The following LIMS1 variants were observed in gnomAD, a reference collection of about 807,000 sequenced individuals.
The protein encoded by LIMS1 is LIM zinc finger domain containing 1, also known as LIM and senescent cell antigen-like-containing domain protein 1.
LIMS1 carries 18 observed loss-of-function variants against 44.1 expected under a neutral mutation model. The ratio of observed to expected loss-of-function variants is 0.41; its 90% confidence interval spans 0.28 to 0.61. LIMS1 has a LOEUF of 0.61. Among genes scored for constraint, LIMS1 ranks in the 20% least tolerant of loss-of-function variants. The pLI is 0.32. For synonymous variants in LIMS1, 93 were observed against 149.1 expected (o/e 0.62, Z 2.74); for missense variants, 201 against 422.0 (o/e 0.48, Z 4.59).
chr2:108,592,463 G>T (rs1558800445), intron 1 of LIMS1, among the ~76,000 whole-genome samples: 1 of 152,146 alleles, frequency 6.6e-6, no homozygotes. Context: ...CAATTTTTGT[G>T]TGTGGGAGGG....
chr2:108,582,209 G>C (rs1437163709), intron 1 of LIMS1, among the ~76,000 whole-genome samples: 2 of 152,172 alleles, frequency 1.3e-5, no homozygotes, highest in African/African-American at 4.8e-5. Context: ...CTCTGGGTCT[G>C]TCGTCCTCAG....
chr2:108,686,433 G>C (rs1325206336), exon 10 of LIMS1: 3 of 151,780 alleles, frequency 2.0e-5, no homozygotes, highest in African/African-American at 7.3e-5. Context: ...CTGATAAGTA[G>C]TATCATTGGA....
At chr2:108,589,452 C>T (rs1257535212) in intron 1 of LIMS1, among the ~76,000 whole-genome samples, 1 of 152,080 alleles carries the variant, frequency 6.6e-6, no homozygotes, top group Admixed American at 6.6e-5. Context: ...TAATTTTGTA[C>T]CTGTTGACAA....
At chr2:108,679,299 T>C (rs1692786857) in intron 8 of LIMS1, among the ~76,000 whole-genome samples, 1 of 151,358 alleles carries the variant, frequency 6.6e-6, no homozygotes, top group African/African-American at 2.4e-5. Context: ...GCCAACATGG[T>C]GAAACCCCAT....
chr2:108,544,713 TC>T (rs1200186782), intron 1 of LIMS1, among the ~76,000 whole-genome samples: 1 of 152,120 alleles, frequency 6.6e-6, no homozygotes, highest in Non-Finnish European at 1.5e-5. Context: ...CAGGCTGGTC[TC>T]AAACTCTTAA....
chr2:108,613,058 C>T (rs1687744592), intron 1 of LIMS1, among the ~76,000 whole-genome samples: 1 of 152,086 alleles, frequency 6.6e-6, no homozygotes, highest in Non-Finnish European at 1.5e-5. Context: ...ATTGTTTGGT[C>T]AAGTCGTTTA....
At chr2:108,564,357 A>C (rs1403405539) in intron 1 of LIMS1, among the ~76,000 whole-genome samples, 1 of 152,212 alleles carries the variant, frequency 6.6e-6, no homozygotes, top group African/African-American at 2.4e-5. Flanking sequence ...TTTTATATGC[A>C]CTGAGAAACC....
At chr2:108,549,643 T>G (rs1684617922) in intron 1 of LIMS1, among the ~76,000 whole-genome samples, 1 of 152,196 alleles carries the variant, frequency 6.6e-6, no homozygotes, top group African/African-American at 2.4e-5. Context: ...ACATTAATTT[T>G]TTTCTTACGA....
rs193126276 is a variant in LIMS1 at position 108,644,150 on chromosome 2, A to C, written c.33-15455A>C. ...CAGCAGATCTCCCAGCACAGCGTTC[A>C]AGCTCTGATAAGGGACAGCCTGCCT... On this transcript the variant is annotated intron_variant, in intron 1 of 9. Transcript: ENST00000544547. 4.1e-3 allele frequency among the ~76,000 whole-genome samples: 620 copies of C among 152,272 alleles called. 4 individuals carry two copies. The highest frequency in any genetic ancestry group is 0.014 in the African/African-American group (587 of 41,548).
intron 2 of LIMS1, among the ~76,000 whole-genome samples, chr2:108,667,551 A>AAAAAAAT (rs765279788): frequency 0.086 from 11,176 of 130,128 alleles, 633 homozygotes; most frequent in Non-Finnish European, 0.12. Context: ...AAAAAAAAAA[A>AAAAAAAT]ATATATATAT....
intron 1 of LIMS1, among the ~76,000 whole-genome samples, chr2:108,559,541 A>G (rs1246134429): frequency 1.3e-5 from 2 of 152,184 alleles, no homozygotes; most frequent in Non-Finnish European, 2.9e-5. Context: ...TGCTAGGTTT[A>G]TATTAGAAAC....
chr2:108,588,171 C>A, intron 1 of LIMS1: 1 of 194,670 alleles, frequency 5.1e-6, no homozygotes, highest in Non-Finnish European at 9.3e-6. Context: ...AACAACTTAG[C>A]AGGATATGAG....
intron 1 of LIMS1, among the ~76,000 whole-genome samples, chr2:108,636,611 C>G (rs1318179294): frequency 6.6e-6 from 1 of 152,198 alleles, no homozygotes; most frequent in African/African-American, 2.4e-5. Flanking sequence ...CTAGCAATAT[C>G]CCAGTGATGC....
chr2:108,635,770 G>A (rs1013257252), intron 1 of LIMS1, among the ~76,000 whole-genome samples: 2 of 138,256 alleles, frequency 1.4e-5, no homozygotes, highest in African/African-American at 5.0e-5. Flanking sequence ...GTACCTTTAC[G>A]TGATAACACA....
At chr2:108,668,192 T>C (rs1195301247) in intron 2 of LIMS1, among the ~76,000 whole-genome samples, 2 of 152,232 alleles carry the variant, frequency 1.3e-5, no homozygotes, top group Non-Finnish European at 2.9e-5. Context: ...TTATAATTTC[T>C]TTGTCGTAAG....
At chr2:108,574,038 C>CT (rs1284138175) in intron 1 of LIMS1, among the ~76,000 whole-genome samples, 8 of 149,742 alleles carry the variant, frequency 5.3e-5, no homozygotes, top group Non-Finnish European at 1.2e-4. Flanking sequence ...TGAATCCCCC[C>CT]TCCCCCCCAC....
At chr2:108,541,201 A>G (rs1684305069) in intron 1 of LIMS1, among the ~76,000 whole-genome samples, 1 of 152,222 alleles carries the variant, frequency 6.6e-6, no homozygotes, top group Admixed American at 6.5e-5. Flanking sequence ...TTACCAATGC[A>G]TCAGCTGAGT....
intron 1 of LIMS1, among the ~76,000 whole-genome samples, chr2:108,610,547 A>T (rs1330901374): frequency 6.6e-6 from 1 of 152,180 alleles, no homozygotes; most frequent in Non-Finnish European, 1.5e-5. Context: ...ATTTTCTTTT[A>T]TAAGCTGGTC....
At chr2:108,647,760 A>G (rs756419448) in intron 1 of LIMS1, among the ~76,000 whole-genome samples, 3 of 152,248 alleles carry the variant, frequency 2.0e-5, no homozygotes, top group Non-Finnish European at 4.4e-5. Context: ...ACAAAATTCA[A>G]CAGTGCTTCA....
Sources: gnomAD v4.1 joint callset for allele counts (sites outside exome capture counted in the v4.1 genomes callset) on GRCh38, gnomAD v4.1.1 for gene constraint, MANE v1.5 for transcripts, NCBI Gene and HGNC (gene_info 2026-07-23, HGNC 2026-07-21) for gene names.